The following LYRM4 variants were observed in gnomAD, a reference collection of about 807,000 sequenced individuals.
LYRM4 encodes the protein LYR motif containing 4.
In LYRM4, 9 loss-of-function variants were observed where a neutral mutation model predicts 11.7. That is an observed-to-expected ratio of 0.77 (90% CI 0.46 to 1.34). The LOEUF is 1.34. Ranked by LOEUF, LYRM4 falls within the 40% of genes most tolerant of loss-of-function variation. The pLI is 0.00. For missense variants in LYRM4, 133 were observed against 112.5 expected, an observed-to-expected ratio of 1.18 and a Z score of -0.82; for synonymous variants, 42 against 40.4, an observed-to-expected ratio of 1.04 and a Z score of -0.15.
In LYRM4 at chr6:5,190,596, C is replaced by A. The variant is rs551333563; in HGVS notation, c.207+26022G>T. On this transcript the variant is annotated intron_variant, in intron 2 of 2. Transcript: ENST00000330636. ...AATTCCAAAAACCAGTCATGTGCCACAAAATAACAGATCCCATATATGACA... is the reference window on the plus strand; with the variant it reads ...AATTCCAAAAACCAGTCATGTGCCAAAAAATAACAGATCCCATATATGACA... Among the ~76,000 whole-genome samples the A allele has an allele frequency of 1.2e-3, 189 of 152,006 alleles. 1 individual carries two copies. The highest frequency in any genetic ancestry group is 2.2e-3 in the Non-Finnish European group (148 of 68,012).
chr6:5,138,807 GA>G, intron 2 of LYRM4: 1 of 1,227,592 alleles, frequency 8.1e-7, no homozygotes, highest in Non-Finnish European at 1.1e-6. Context: ...AGTTCTTTGG[GA>G]TTTCAAACAG....
chr6:5,206,900 C>T (rs1285185462), intron 2 of LYRM4, among the ~76,000 whole-genome samples: 4 of 151,022 alleles, frequency 2.6e-5, no homozygotes, highest in South Asian at 4.2e-4. Flanking sequence ...TCCATGAAAT[C>T]GCAGCTTCAT....
At chr6:5,231,992 A>G (rs1391593636) in intron 1 of LYRM4, among the ~76,000 whole-genome samples, 1 of 152,200 alleles carries the variant, frequency 6.6e-6, no homozygotes, top group Non-Finnish European at 1.5e-5. Context: ...AATAAAATTG[A>G]GCAAACATTT....
chr6:5,166,033 CTT>C (rs1388690777), intron 2 of LYRM4, among the ~76,000 whole-genome samples: 1 of 151,808 alleles, frequency 6.6e-6, no homozygotes, highest in African/African-American at 2.4e-5. Flanking sequence ...AAATTATAAA[CTT>C]ATATAAAACT....
intron 1 of LYRM4, among the ~76,000 whole-genome samples, chr6:5,231,146 G>A (rs1474947552): frequency 2.6e-5 from 4 of 151,896 alleles, no homozygotes; most frequent in Non-Finnish European, 4.4e-5. Context: ...GCGTGGTGGC[G>A]GGCACCTATA....
At chr6:5,095,792 C>A in the LYRM4 span, among the ~76,000 whole-genome samples, 3 of 152,062 alleles carry the variant, frequency 2.0e-5, no homozygotes, top group African/African-American at 7.2e-5. Flanking sequence ...CCAGCCTGGC[C>A]AACATGGTGA....
chr6:5,061,570 G>A, the LYRM4 span, among the ~76,000 whole-genome samples: 1 of 152,306 alleles, frequency 6.6e-6, no homozygotes, highest in African/African-American at 2.4e-5. Context: ...GTGTTCAATA[G>A]CAAACGCTGA....
Position 5,109,367 on chromosome 6 carries a change from G to C in LYRM4, c.*56C>G, listed in dbSNP as rs1009282696. Reference sequence around the variant, plus strand: ...GTTTTGGGAGCCCCCATCTCAAACAGAGAGTGGATGCTGAAGGTGGTCCCT... The same window carrying C: ...GTTTTGGGAGCCCCCATCTCAAACACAGAGTGGATGCTGAAGGTGGTCCCT... On this transcript the variant is annotated 3_prime_UTR_variant, in exon 3 of 3. Transcript: ENST00000330636. 6.8e-6 allele frequency: 11 copies of C among 1,610,632 alleles called. No individual in the cohort carries two copies. The highest frequency in any genetic ancestry group is 8.5e-6 in the Non-Finnish European group (10 of 1,177,544).
intron 2 of LYRM4, among the ~76,000 whole-genome samples, chr6:5,148,971 G>C (rs773539858): frequency 3.9e-5 from 6 of 152,094 alleles, no homozygotes; most frequent in Non-Finnish European, 8.8e-5. Flanking sequence ...TTTTTGACAT[G>C]ATGCTTGCTT....
the LYRM4 span, chr6:5,054,127 T>G: frequency 1.0e-6 from 1 of 985,782 alleles, no homozygotes; most frequent in Non-Finnish European, 1.2e-6. Flanking sequence ...GGCAGTCACC[T>G]GGCCATGACC....
chr6:5,120,545 T>G (rs77404446), intron 2 of LYRM4, among the ~76,000 whole-genome samples: 53 of 152,264 alleles, frequency 3.5e-4, no homozygotes, highest in African/African-American at 1.0e-3. Flanking sequence ...CTCCACAGCG[T>G]GGAAGGGGAC....
the LYRM4 span, among the ~76,000 whole-genome samples, chr6:5,040,431 G>A: frequency 1.3e-5 from 2 of 151,496 alleles, no homozygotes; most frequent in African/African-American, 4.9e-5. Flanking sequence ...GCTGGGCATG[G>A]TGGCTCATGC....
At chr6:5,066,088 G>A in the LYRM4 span, 8 of 431,742 alleles carry the variant, frequency 1.9e-5, no homozygotes, top group African/African-American at 1.0e-4. Context: ...AGTCATTCGA[G>A]TAAGATACAG....
chr6:5,260,742 G>GAA lies in LYRM4; in HGVS notation c.-11_-10dup, dbSNP rs561083109. 3.8e-3 allele frequency: 5,805 copies of GAA among 1,519,712 alleles called. 143 individuals carry two copies. In the African/African-American group the frequency reaches 0.067, roughly 17 times the overall value. 94.1% of individuals were successfully genotyped at this position (1,519,712 alleles called of 1,614,324 possible). Reference sequence around the variant, plus strand: ...CGACTGGAGGCTGCCATTTTGGAAAGAAAAAAAAATAAACGGGTCCTCTTC... The same window carrying GAA: ...CGACTGGAGGCTGCCATTTTGGAAAGAAAAAAAAAAATAAACGGGTCCTCTTC... On this transcript the variant is annotated 5_prime_UTR_variant, in exon 1 of 3. Transcript: ENST00000330636.
intron 2 of LYRM4, among the ~76,000 whole-genome samples, chr6:5,206,878 GTAA>G (rs1561870555): frequency 5.0e-4 from 2 of 4,016 alleles, no homozygotes; most frequent in Non-Finnish European, 3.5e-3. Flanking sequence ...ACCAATCCAT[GTAA>G]CTGACCAATC....
the LYRM4 span, among the ~76,000 whole-genome samples, chr6:5,078,688 T>C: frequency 6.6e-6 from 1 of 152,230 alleles, no homozygotes; most frequent in African/African-American, 2.4e-5. Context: ...TCATGTTTTT[T>C]TCAAATTCAT....
intron 1 of LYRM4, among the ~76,000 whole-genome samples, chr6:5,221,345 A>G (rs1762567852): frequency 6.6e-6 from 1 of 152,120 alleles, no homozygotes; most frequent in Non-Finnish European, 1.5e-5. Flanking sequence ...CATATACCCA[A>G]TTGCCTTTTG....
At position 5,138,838 on chromosome 6, in the gene LYRM4, T is replaced by A. The variant is rs886106573; in HGVS notation, c.208-29347A>T. On this transcript the variant is annotated intron_variant, in intron 2 of 2. Coordinates refer to ENST00000330636, the MANE Select transcript of LYRM4 (RefSeq NM_020408.6). The stretch of plus-strand genomic sequence containing the variant: ...AAACAGAAGCAAGTGCTAGAGGTGT[T>A]TAAGACAGGTTAAAAGCTAGAAATG... 6.1e-6 allele frequency: 5 copies of A among 822,948 alleles called. No homozygotes were observed. In the Admixed American group the frequency reaches 1.4e-4, roughly 22 times the overall value. The allele number at this position is 822,948 out of a possible 1,614,324, so 51.0% of individuals were successfully genotyped here. A position where few individuals can be genotyped will look rare whatever the true frequency, so the allele number is the denominator to read the frequency against.
At position 5,156,631 on chromosome 6, in the gene LYRM4, C is replaced by G. The variant is rs142244099; in HGVS notation, c.208-47140G>C. Among the ~76,000 whole-genome samples, 212 of 152,304 alleles carry G rather than the reference C, an allele frequency of 1.4e-3. 1 individual carries two copies. The highest frequency in any genetic ancestry group is 4.9e-3 in the African/African-American group (205 of 41,562). ...CCTGCGGAGGCTCCTTGCTGAGCTG[C>G]CTCATGCTCTAGATGTCATTAGAAT... On this transcript the variant is annotated intron_variant, in intron 2 of 2. Coordinates refer to ENST00000330636, the MANE Select transcript of LYRM4 (RefSeq NM_020408.6).
Sources: gnomAD v4.1 joint callset for allele counts (sites outside exome capture counted in the v4.1 genomes callset) on GRCh38, gnomAD v4.1.1 for gene constraint, MANE v1.5 for transcripts, NCBI Gene and HGNC (gene_info 2026-07-23, HGNC 2026-07-21) for gene names.